Variants in STK3 observed in about 807,000 individuals in gnomAD.
STK3 encodes serine/threonine kinase 3.
In STK3, 41 loss-of-function variants were observed where a neutral mutation model predicts 58.0. The ratio of observed to expected loss-of-function variants is 0.71; its 90% CI spans 0.55 to 0.92. The LOEUF (loss-of-function observed/expected upper bound fraction) is 0.92, where lower values mean the gene tolerates loss of function less well. Ranked by LOEUF, STK3 falls within the 40% of genes least tolerant of loss-of-function variation. The pLI is 0.00. For missense variants in STK3, 479 were observed against 602.7 expected, an observed-to-expected ratio of 0.79 and a Z score of 2.15; for synonymous variants, 170 against 191.0, an observed-to-expected ratio of 0.89 and a Z score of 0.91.
intron 1 of STK3, among the ~76,000 whole-genome samples, chr8:98,798,820 C>A (rs751921863): frequency 2.7e-4 from 41 of 152,120 alleles, no homozygotes; most frequent in Admixed American, 1.4e-3. Context: ...AAAAATCAGG[C>A]CTTTAAGAGG....
chr8:98,765,123 A>G lies in STK3; in HGVS notation c.236+2120T>C, dbSNP rs541288464. On this transcript the variant is annotated intron_variant, in intron 3 of 10. Coordinates refer to ENST00000419617, the MANE Select transcript of STK3 (RefSeq NM_006281.4). ...TTTCCTAGACAACACTCAAAGTACAATGCTAATCCTTGAACTATTTTTAAC... is the reference window on the plus strand; with the variant it reads ...TTTCCTAGACAACACTCAAAGTACAGTGCTAATCCTTGAACTATTTTTAAC... 5.9e-5 allele frequency among the ~76,000 whole-genome samples: 9 copies of G among 152,336 alleles called. No homozygotes were observed. The South Asian group carries it at 1.2e-3, about 21-fold the overall frequency.
At chr8:98,475,217 C>G (rs1281843269) in intron 10 of STK3, among the ~76,000 whole-genome samples, 3 of 152,104 alleles carry the variant, frequency 2.0e-5, no homozygotes, top group Non-Finnish European at 4.4e-5. Flanking sequence ...CTATGGTTGA[C>G]ATCTTAATGC....
chr8:98,355,097 C>T, the STK3 span, among the ~76,000 whole-genome samples: 1 of 152,158 alleles, frequency 6.6e-6, no homozygotes, highest in Non-Finnish European at 1.5e-5. Flanking sequence ...GTCAGTATTT[C>T]AATAGGAATC....
intron 4 of STK3, among the ~76,000 whole-genome samples, chr8:98,714,790 T>G (rs1587397937): frequency 6.6e-6 from 1 of 151,998 alleles, no homozygotes; most frequent in Non-Finnish European, 1.5e-5. Flanking sequence ...TATTTTAAAG[T>G]TCATATGGAA....
At chr8:98,472,425 G>A (rs1020572596) in intron 10 of STK3, among the ~76,000 whole-genome samples, 6 of 152,190 alleles carry the variant, frequency 3.9e-5, no homozygotes, top group Non-Finnish European at 5.9e-5. Context: ...GGAGAGGGGA[G>A]TTTATAATTG....
At chr8:98,368,924 G>A (rs142301754), downstream of STK3, among the ~76,000 whole-genome samples, 323 of 152,262 alleles carry the variant, frequency 2.1e-3, 1 homozygote, top group African/African-American at 7.5e-3. Context: ...TCTAGGTCAA[G>A]CTCCTATTGT....
At chr8:98,858,343 G>GAGAGAGAC (rs1836779920) in intron 3 of STK3, among the ~76,000 whole-genome samples, 2 of 133,714 alleles carry the variant, frequency 1.5e-5, no homozygotes, top group African/African-American at 2.8e-5. Context: ...GAGAGAGAGA[G>GAGAGAGAC]AGAGAGAGAG....
intron 10 of STK3, among the ~76,000 whole-genome samples, chr8:98,462,184 T>C (rs990144917): frequency 6.6e-6 from 1 of 152,196 alleles, no homozygotes; most frequent in Non-Finnish European, 1.5e-5. Context: ...TCTTATTCAT[T>C]CTTTTTATTT....
intron 6 of STK3, among the ~76,000 whole-genome samples, chr8:98,703,966 C>T (rs1357629607): frequency 1.3e-5 from 2 of 152,140 alleles, no homozygotes; most frequent in Non-Finnish European, 1.5e-5. Flanking sequence ...AATTTCTACA[C>T]TTGAATATGT....
chr8:98,366,245 C>T (rs1033373351), downstream of STK3, among the ~76,000 whole-genome samples: 1 of 152,190 alleles, frequency 6.6e-6, no homozygotes, highest in Admixed American at 6.5e-5. Flanking sequence ...GCCCAGACAT[C>T]TTTTCATAGG....
At chr8:98,392,150 G>A (rs955994358), upstream of STK3, among the ~76,000 whole-genome samples, 3 of 151,910 alleles carry the variant, frequency 2.0e-5, no homozygotes, top group East Asian at 1.9e-4. Flanking sequence ...CTCTTCCCAC[G>A]CCTTTTATTA....
chr8:98,592,687 A>G (rs890788333), intron 7 of STK3, among the ~76,000 whole-genome samples: 2 of 151,920 alleles, frequency 1.3e-5, no homozygotes, highest in Admixed American at 1.3e-4. Flanking sequence ...CTGTTTTCCA[A>G]CTTGATAAAA....
At chr8:98,869,852 A>G in intron 3 of STK3, among the ~76,000 whole-genome samples, 1 of 128,936 alleles carries the variant, frequency 7.8e-6, no homozygotes, top group Non-Finnish European at 1.7e-5. Context: ...TTTTTTTATT[A>G]TTATTATTAT....
At chr8:98,467,853 GC>G (rs1820605569) in intron 10 of STK3, among the ~76,000 whole-genome samples, 1 of 152,146 alleles carries the variant, frequency 6.6e-6, no homozygotes, top group South Asian at 2.1e-4. Flanking sequence ...TGCTGGAAGA[GC>G]ATCATTCTTA....
intron 1 of STK3, among the ~76,000 whole-genome samples, chr8:98,795,891 A>G (rs1670957435): frequency 6.6e-6 from 1 of 152,180 alleles, no homozygotes; most frequent in African/African-American, 2.4e-5. Flanking sequence ...AACCAAGGGG[A>G]TGAAGGATCT....
At chr8:98,778,255 T>C (rs1274067848) in intron 1 of STK3, among the ~76,000 whole-genome samples, 1 of 152,242 alleles carries the variant, frequency 6.6e-6, no homozygotes, top group Non-Finnish European at 1.5e-5. Context: ...AAGACATTTA[T>C]GCAGCCAAAA....
At chr8:98,649,783 T>C (rs897021372) in intron 6 of STK3, among the ~76,000 whole-genome samples, 1 of 152,192 alleles carries the variant, frequency 6.6e-6, no homozygotes, top group Non-Finnish European at 1.5e-5. Context: ...TTTTAAACAA[T>C]TTTTGGTAAA....
chr8:98,452,266 T>C (rs887594899), downstream of STK3, among the ~76,000 whole-genome samples: 71 of 152,276 alleles, frequency 4.7e-4, no homozygotes, highest in Non-Finnish European at 9.3e-4. Flanking sequence ...GGAGGAAAAA[T>C]ATAACAGCGG....
chr8:98,628,974 G>A (rs1355059705), intron 6 of STK3, among the ~76,000 whole-genome samples: 1 of 152,150 alleles, frequency 6.6e-6, no homozygotes, highest in Non-Finnish European at 1.5e-5. Flanking sequence ...GTTGAGAGAA[G>A]CCTGGAAACC....
Sources: gnomAD v4.1 joint callset for allele counts (sites outside exome capture counted in the v4.1 genomes callset) on GRCh38, gnomAD v4.1.1 for gene constraint, MANE v1.5 for transcripts, NCBI Gene and HGNC (gene_info 2026-07-23, HGNC 2026-07-21) for gene names.